Variants in ZNF346 observed in about 807,000 individuals in gnomAD.
ZNF346 encodes double-stranded RNA-binding zinc finger protein JAZ.
A neutral mutation model predicts 33.7 loss-of-function variants in ZNF346; 23 were observed. That is an observed-to-expected ratio of 0.68 (90% confidence interval 0.49 to 0.97). ZNF346 has a LOEUF of 0.97. ZNF346 is among the 50% of genes least tolerant of loss of function. The pLI is 0.00. For synonymous variants in ZNF346, 134 were observed against 142.4 expected (o/e 0.94, Z 0.42); for missense variants, 340 against 371.1 (o/e 0.92, Z 0.69).
chr5:177,075,373 C>G (rs1316050881), intron 8 of ZNF346, among the ~76,000 whole-genome samples: 1 of 152,150 alleles, frequency 6.6e-6, no homozygotes, highest in African/African-American at 2.4e-5. Flanking sequence ...CACTGTACCC[C>G]GGCCTGGGCG....
At chr5:177,057,251 A>G (rs778967213) in intron 5 of ZNF346, among the ~76,000 whole-genome samples, 1 of 152,116 alleles carries the variant, frequency 6.6e-6, no homozygotes, top group Admixed American at 6.6e-5. Flanking sequence ...CTGAGATCGC[A>G]CTATTGCACT....
chr5:177,029,591 T>C (rs1777378479), intron 1 of ZNF346, among the ~76,000 whole-genome samples: 1 of 151,822 alleles, frequency 6.6e-6, no homozygotes, highest in Non-Finnish European at 1.5e-5. Flanking sequence ...AGAGCAAGAG[T>C]GAAAGTTTAT....
chr5:177,061,682 A>T (rs1782571072), intron 5 of ZNF346, among the ~76,000 whole-genome samples: 1 of 152,246 alleles, frequency 6.6e-6, no homozygotes, highest in Admixed American at 6.5e-5. Flanking sequence ...GCCCTAGGAG[A>T]GTGGCACCTT....
chr5:177,068,858 T>C (rs1783361363), downstream of ZNF346, among the ~76,000 whole-genome samples: 1 of 143,484 alleles, frequency 7.0e-6, no homozygotes, highest in Non-Finnish European at 1.5e-5. Context: ...TCTCTAACTT[T>C]TTGAGGTACA....
intron 1 of ZNF346, among the ~76,000 whole-genome samples, chr5:177,028,910 G>A (rs937426273): frequency 1.3e-5 from 2 of 151,176 alleles, no homozygotes; most frequent in African/African-American, 2.4e-5. Context: ...TAGTAGAGAC[G>A]GGGTTTCACC....
intron 8 of ZNF346, among the ~76,000 whole-genome samples, chr5:177,073,038 T>G (rs932804192): frequency 1.3e-5 from 2 of 152,250 alleles, no homozygotes; most frequent in African/African-American, 2.4e-5. Flanking sequence ...TTGGCTGCCC[T>G]TTGTGTTCCC....
intron 3 of ZNF346, among the ~76,000 whole-genome samples, chr5:177,043,052 A>G (rs1295152560): frequency 1.3e-5 from 2 of 152,176 alleles, no homozygotes; most frequent in African/African-American, 4.8e-5. Context: ...GGGTTTCACC[A>G]GGTTGGCCAG....
intron 4 of ZNF346, among the ~76,000 whole-genome samples, chr5:177,046,600 T>A (rs1407757376): frequency 2.0e-5 from 3 of 152,222 alleles, no homozygotes; most frequent in African/African-American, 7.2e-5. Context: ...AGTAATATAA[T>A]CATGTTGTAA....
At chr5:177,030,603 G>A (rs1777542096) in intron 1 of ZNF346, among the ~76,000 whole-genome samples, 1 of 151,892 alleles carries the variant, frequency 6.6e-6, no homozygotes, top group Non-Finnish European at 1.5e-5. Flanking sequence ...CACCATGCCT[G>A]GCTATTTCAT....
intron 1 of ZNF346, among the ~76,000 whole-genome samples, chr5:177,030,845 A>T (rs1430553392): frequency 2.0e-5 from 3 of 150,580 alleles, no homozygotes; most frequent in African/African-American, 7.3e-5. Context: ...TGGACATTTC[A>T]TGTAAATAGA....
chr5:177,079,523 A>G (rs1383528236), exon 9 of ZNF346: 2 of 152,190 alleles, frequency 1.3e-5, no homozygotes, highest in Non-Finnish European at 2.9e-5. Flanking sequence ...TCTTGCGACC[A>G]TGAGAGAAAA....
At position 177,077,396 on chromosome 5, in the gene ZNF346, C is replaced by T. The variant is rs956224423; in HGVS notation, c.*3-1986C>T. 3.9e-5 allele frequency among the ~76,000 whole-genome samples: 6 copies of T among 152,162 alleles called. No homozygotes were observed. The highest frequency in any genetic ancestry group is 8.8e-5 in the Non-Finnish European group (6 of 68,032). On this transcript the variant is annotated intron_variant, in intron 8 of 8. Coordinates refer to the ZNF346 transcript ENST00000503039. The surrounding 1 kb of genome is among the most constrained non-coding windows in gnomAD (Gnocchi z 5.0). ...TAGCCGAAGAAAAAATTATTTGGTT[C>T]ACATAGTGAAATGTTCAAAGAAGGA...
intron 1 of ZNF346, among the ~76,000 whole-genome samples, chr5:177,024,062 T>C (rs1776330881): frequency 6.7e-6 from 1 of 148,718 alleles, no homozygotes. Context: ...TGTATGCGTA[T>C]ATATAATATA....
intron 4 of ZNF346, among the ~76,000 whole-genome samples, chr5:177,045,476 T>A (rs1779909893): frequency 6.6e-6 from 1 of 151,906 alleles, no homozygotes; most frequent in Admixed American, 6.6e-5. Context: ...AGCCTCAGCC[T>A]CCCAAGTAGC....
chr5:177,032,007 T>TC (rs1777788375), intron 1 of ZNF346, among the ~76,000 whole-genome samples: 1 of 110,146 alleles, frequency 9.1e-6, no homozygotes, highest in Non-Finnish European at 1.6e-5. Context: ...TCTTTTTTTT[T>TC]TTTTTTTTTT....
At chr5:177,072,205 A>C (rs536156434), downstream of ZNF346, among the ~76,000 whole-genome samples, 1 of 152,352 alleles carries the variant, frequency 6.6e-6, no homozygotes, top group South Asian at 2.1e-4. Context: ...CAGAGCTTAC[A>C]CAACCAAGAA....
At chr5:177,037,773 A>C (rs902651786) in intron 1 of ZNF346, among the ~76,000 whole-genome samples, 2 of 152,160 alleles carry the variant, frequency 1.3e-5, no homozygotes, top group African/African-American at 4.8e-5. Context: ...CAACTGTCAG[A>C]GTAATCTTTT....
intron 8 of ZNF346, among the ~76,000 whole-genome samples, chr5:177,078,208 G>A (rs185345140): frequency 3.8e-4 from 58 of 152,322 alleles, no homozygotes; most frequent in African/African-American, 1.4e-3. Context: ...CTGCTGAATG[G>A]CAGGTATCTG....
chr5:177,027,656 C>CTT (rs201396588), intron 1 of ZNF346, among the ~76,000 whole-genome samples: 1 of 141,048 alleles, frequency 7.1e-6, no homozygotes. Flanking sequence ...TCTTCCTTTC[C>CTT]TTTTTTTTTT....
Sources: allele counts gnomAD v4.1 joint callset (sites outside exome capture counted in the v4.1 genomes callset), GRCh38; gene constraint gnomAD v4.1.1; non-coding constraint Gnocchi (gnomAD v3.1); transcripts MANE v1.5; gene names NCBI Gene and HGNC (gene_info 2026-07-23, HGNC 2026-07-21).